Variants in PKHD1L1 observed in about 807,000 individuals in gnomAD.
The protein encoded by PKHD1L1 is PKHD1 like 1, also known as fibrocystin-L.
In PKHD1L1, 434 loss-of-function variants were observed where a neutral mutation model predicts 462.9. The observed-to-expected ratio is 0.94, with a 90% confidence interval of 0.87 to 1.02. PKHD1L1 has a LOEUF of 1.02. PKHD1L1 is among the 50% of genes least tolerant of loss of function. The pLI is 0.00. For missense variants in PKHD1L1, 5,202 were observed against 5,096.1 expected (o/e 1.02, Z -0.63); for synonymous variants, 1,781 against 1,750.0 (o/e 1.02, Z -0.44).
Position 109,436,385 on chromosome 8 carries a change from A to G in PKHD1L1, c.3553A>G (p.Lys1185Glu), listed in dbSNP as rs1230011432. The G allele has an allele frequency of 6.2e-7, 1 of 1,613,410 alleles. No homozygotes were observed. The highest frequency in any genetic ancestry group is 1.7e-5 in the Admixed American group (1 of 59,982). The part of the protein sequence containing the change: ...LSGFGFNENS[K>E]VLVGNETCNV... ...TGGATTTGGCTTTAATGAAAATTCA[A>G]AGGTATTAGTTGGAAATGAAACCTG... The change falls in exon 30 of 78, where the codon AAG becomes GAG. Residue 1185 changes from lysine to glutamate, a missense_variant. Physicochemically the swap from Lys to Glu is moderately conservative, Grantham distance 56 (BLOSUM62 1). Around this residue, in one of 3 missense-constraint regions of PKHD1L1, gnomAD observed 4,497 missense variants for 4,336.8 expected, o/e 1.04. Transcript: ENST00000378402.
chr8:109,409,273 G>A lies in PKHD1L1; in HGVS notation c.1972-592G>A, dbSNP rs563081409. Among the ~76,000 whole-genome samples the A allele has an allele frequency of 2.7e-5, 4 of 150,190 alleles. No individual in the cohort carries two copies. The South Asian group carries it at 8.4e-4, about 32-fold the overall frequency. The stretch of plus-strand genomic sequence containing the variant: ...ATGTAACCTTTTTTTTTTTCAAGAC[G>A]GAGTCTCACTCTGTCACCAGGCTGG... On this transcript the variant is annotated intron_variant, in intron 18 of 77. Coordinates refer to ENST00000378402, the MANE Select transcript of PKHD1L1 (RefSeq NM_177531.6).
chr8:109,428,010 C>A (rs1247954520), intron 25 of PKHD1L1, among the ~76,000 whole-genome samples: 5 of 54,052 alleles, frequency 9.3e-5, no homozygotes, highest in Non-Finnish European at 1.6e-4. Flanking sequence ...GCAACAAGAG[C>A]AAAACTCCGT....
At chr8:109,377,976 G>T (rs929818704) in intron 2 of PKHD1L1, among the ~76,000 whole-genome samples, 1 of 151,820 alleles carries the variant, frequency 6.6e-6, no homozygotes, top group Admixed American at 6.6e-5. Context: ...TCTCTGTTTT[G>T]CATTACCCTT....
At chr8:109,405,752 T>C (rs1255919302) in intron 16 of PKHD1L1, among the ~76,000 whole-genome samples, 1 of 152,054 alleles carries the variant, frequency 6.6e-6, no homozygotes, top group East Asian at 1.9e-4. Context: ...CTGGGCTTAA[T>C]ACCTAGGTGA....
chr8:109,375,629 G>T (rs1223674501), intron 2 of PKHD1L1, among the ~76,000 whole-genome samples: 2 of 152,082 alleles, frequency 1.3e-5, no homozygotes, highest in African/African-American at 4.8e-5. Flanking sequence ...CATCTTTGTG[G>T]TTTTATCTAC....
chr8:109,413,645 T>TGA, intron 21 of PKHD1L1, 100 bp downstream of exon 21: 1 of 1,067,740 alleles, frequency 9.4e-7, no homozygotes, highest in African/African-American at 1.6e-5. Context: ...TTTGGTCTGT[T>TGA]TGGGGAGATG....
At chr8:109,448,453 C>T (rs988528587) in intron 39 of PKHD1L1, 62 bp downstream of exon 39, 6 of 1,421,668 alleles carry the variant, frequency 4.2e-6, no homozygotes, top group Admixed American at 2.6e-5. Context: ...ATTTAGAAAC[C>T]TTATTTAGAA....
rs775594768 is a variant in PKHD1L1 at position 109,508,211 on chromosome 8, G to A, written c.11342G>A (p.Arg3781Gln). Reference sequence around the variant, plus strand: ...AGTCTGGATCCTGACACAGAAACTCGAAGACTTTCCCCAGTGGCTATAATG... The same window carrying A: ...AGTCTGGATCCTGACACAGAAACTCAAAGACTTTCCCCAGTGGCTATAATG... ...IESLDPDTET[R>Q]RLSPVAIMGN... Residue 3781 changes from arginine to glutamine, a missense_variant, in exon 70 of 78, where the codon CGA (arginine) becomes CAA (glutamine). Physicochemically the swap from Arg to Gln is conservative, Grantham distance 43. Around this residue, in one of 3 missense-constraint regions of PKHD1L1, gnomAD observed 698 missense variants for 736.3 expected, o/e 0.95. Coordinates refer to ENST00000378402, the MANE Select transcript of PKHD1L1 (RefSeq NM_177531.6). The A allele has an allele frequency of 5.6e-6, 9 of 1,613,246 alleles. No individual in the cohort carries two copies. The highest frequency in any genetic ancestry group is 3.3e-5 in the Admixed American group (2 of 59,924).
At chr8:109,450,505 G>A (rs1816427482) in intron 40 of PKHD1L1, among the ~76,000 whole-genome samples, 2 of 152,104 alleles carry the variant, frequency 1.3e-5, no homozygotes, top group Admixed American at 6.5e-5. Flanking sequence ...AATGCTTTGA[G>A]ACTTGTCAAG....
At chr8:109,481,300 T>C in intron 55 of PKHD1L1, 133 bp from the exon 56 acceptor site, 3 of 781,330 alleles carry the variant, frequency 3.8e-6, no homozygotes, top group Admixed American at 3.4e-5. Context: ...CTTCCAGTTA[T>C]AATGCTGTTC....
chr8:109,380,550 T>A (rs1812058528), intron 2 of PKHD1L1, among the ~76,000 whole-genome samples: 1 of 152,210 alleles, frequency 6.6e-6, no homozygotes, highest in African/African-American at 2.4e-5. Flanking sequence ...CATATACCTA[T>A]GTGCAGTGTG....
At chr8:109,499,133 T>G in intron 67 of PKHD1L1, 1 of 182,614 alleles carries the variant, frequency 5.5e-6, no homozygotes, top group Non-Finnish European at 1.2e-5. Flanking sequence ...ACTTAGTGCC[T>G]GGCCAAATTC....
rs753146673 is a variant in PKHD1L1 at position 109,381,529 on chromosome 8, AT to A, written c.308+16del. ...TGCTATACTAGGTCTGTTTTAAAGT[AT>A]CTTTAATAAAATCATTTTCATCATA... On this transcript the variant is annotated intron_variant, in intron 3 of 77. Coordinates refer to ENST00000378402, the MANE Select transcript of PKHD1L1 (RefSeq NM_177531.6). 3.3e-6 allele frequency: 5 copies of A among 1,510,912 alleles called. No individual in the cohort carries two copies. The East Asian group carries it at 1.2e-4, about 36-fold the overall frequency. The allele number at this position is 1,510,912 out of a possible 1,614,324, so 93.6% of individuals were successfully genotyped here.
At chr8:109,494,418 T>C (rs1253248261) in intron 63 of PKHD1L1, among the ~76,000 whole-genome samples, 2 of 151,954 alleles carry the variant, frequency 1.3e-5, no homozygotes, top group South Asian at 2.1e-4. Context: ...TTTACAAACT[T>C]AGAAAATTAT....
chr8:109,383,185 T>C (rs1586397312), intron 4 of PKHD1L1, among the ~76,000 whole-genome samples: 5 of 105,478 alleles, frequency 4.7e-5, no homozygotes, highest in African/African-American at 1.9e-4. Context: ...ATAATATATA[T>C]AATTATATAT....
chr8:109,477,085 T>G, intron 52 of PKHD1L1, 140 bp from the exon 53 acceptor site: 1 of 706,896 alleles, frequency 1.4e-6, no homozygotes, highest in Middle Eastern at 3.8e-4. Flanking sequence ...ATTATCAGAA[T>G]TTCTCCATAC....
At chr8:109,527,126 C>A in intron 77 of PKHD1L1, 106 bp downstream of exon 77, 4 of 984,586 alleles carry the variant, frequency 4.1e-6, no homozygotes, top group Non-Finnish European at 5.9e-6. Flanking sequence ...ACTGTGTGCA[C>A]AAAGAGAAAG....
rs1816071608 is a variant in PKHD1L1, at chr8:109,445,333, G to A, written c.5464G>A (p.Ala1822Thr). The A allele has an allele frequency of 6.2e-7, 1 of 1,613,820 alleles. No homozygotes were observed. The highest frequency in any genetic ancestry group is 1.1e-5 in the South Asian group (1 of 91,074). Residue 1822 changes from alanine (A) to threonine (T), a missense_variant, in exon 38 of 78, where the codon GCT becomes ACT. Ala to Thr is a moderately conservative substitution (Grantham distance 58). Around this residue, in one of 3 missense-constraint regions of PKHD1L1, gnomAD observed 4,497 missense variants for 4,336.8 expected, o/e 1.04. Coordinates refer to ENST00000378402, the MANE Select transcript of PKHD1L1 (RefSeq NM_177531.6). ...VSVVVGSKGL[A>T]LGNLTVSSPP... ...TGTTGTGGTGGGAAGTAAAGGCTTG[G>A]CTCTGGGAAACCTGACTGTCAGCAG...
chr8:109,479,850 G>C, intron 54 of PKHD1L1, 141 bp from the exon 55 acceptor site: 1 of 934,302 alleles, frequency 1.1e-6, no homozygotes, highest in East Asian at 2.7e-5. Flanking sequence ...CAGATTTTCT[G>C]GGAGAGATAG....
Sources: allele counts gnomAD v4.1 joint callset (sites outside exome capture counted in the v4.1 genomes callset), GRCh38; gene constraint gnomAD v4.1.1; regional missense constraint gnomAD v4.1.1; transcripts MANE v1.5; gene names NCBI Gene and HGNC (gene_info 2026-07-23, HGNC 2026-07-21).